The following SOBP variants were observed in gnomAD, a reference collection of about 807,000 sequenced individuals.
SOBP encodes the protein sine oculis binding protein homolog, also known as sine oculis-binding protein homolog.
Under a neutral mutation model 53.6 loss-of-function variants are expected in SOBP, and 4 were observed. The ratio of observed to expected loss-of-function variants is 0.07; its 90% CI spans 0.04 to 0.17. SOBP has a LOEUF of 0.17. Ranked by LOEUF, SOBP falls within the 10% of genes least tolerant of loss-of-function variation. SOBP has a pLI of 1.00. For synonymous variants in SOBP, 584 were observed against 522.6 expected, an observed-to-expected ratio of 1.12 and a Z score of -1.60; for missense variants, 1,088 against 1,204.7, an observed-to-expected ratio of 0.90 and a Z score of 1.43.
intron 6 of SOBP, among the ~76,000 whole-genome samples, chr6:107,637,481 C>T (rs1029942231): frequency 1.3e-5 from 2 of 152,242 alleles, no homozygotes; most frequent in African/African-American, 4.8e-5. Flanking sequence ...TGCCTGAAGA[C>T]AGATGGCCTC....
chr6:107,585,572 A>G (rs1468441490), intron 4 of SOBP, among the ~76,000 whole-genome samples: 3 of 152,198 alleles, frequency 2.0e-5, no homozygotes, highest in African/African-American at 7.2e-5. Context: ...CTATAACTGC[A>G]TTTTTATTTT....
In SOBP at chr6:107,619,941, G is replaced by A. The variant is rs566743647; in HGVS notation, c.670-13573G>A. ...GATTTTCCTCATTTTTTTTAGCAGA[G>A]GGTAATACCTGGAAGGTTATGGTAA... On this transcript the variant is annotated intron_variant, in intron 5 of 6. Coordinates refer to ENST00000317357, the MANE Select transcript of SOBP (RefSeq NM_018013.4). Among the ~76,000 whole-genome samples the A allele has an allele frequency of 3.1e-3, 467 of 152,206 alleles. 4 individuals are homozygous for A. Among genetic ancestry groups the A allele is most frequent in the Non-Finnish European group, 3.1e-3 (214 of 67,994 alleles).
intron 5 of SOBP, among the ~76,000 whole-genome samples, chr6:107,601,941 T>TA (rs1786192211): frequency 6.6e-6 from 1 of 152,246 alleles, no homozygotes; most frequent in Admixed American, 6.5e-5. Context: ...TCTTTTCAAT[T>TA]AATCAATTAT....
At chr6:107,601,008 A>T (rs145747984) in intron 5 of SOBP, among the ~76,000 whole-genome samples, 1 of 152,246 alleles carries the variant, frequency 6.6e-6, no homozygotes, top group East Asian at 1.9e-4. Context: ...AAAGCCTTTG[A>T]ATAGACACTC....
chr6:107,634,197 G>T lies in SOBP; in HGVS notation c.1353G>T (p.Met451Ile). 1.2e-6 allele frequency: 2 copies of T among 1,604,994 alleles called. No homozygotes were observed. The highest frequency in any genetic ancestry group is 1.7e-6 in the Non-Finnish European group (2 of 1,178,030). Residue 451 changes from methionine to isoleucine, a missense_variant, in exon 6 of 7, where the codon ATG (methionine) becomes ATT (isoleucine). This residue lies in a region of SOBP where 665 missense variants were observed against 629.7 expected (regional missense o/e 1.06). Transcript: ENST00000317357. The surrounding 1 kb of genome is among the most constrained non-coding windows in gnomAD (Gnocchi z 4.5). ...PRNLGPTSSP[M>I]HRPMLSPHIH... ...ACCTGGGCCCCACTTCCAGCCCCAT[G>T]CACCGGCCCATGCTATCGCCCCACA... is the stretch of plus-strand genomic sequence containing the variant.
chr6:107,625,261 T>C (rs1386657723), intron 5 of SOBP, among the ~76,000 whole-genome samples: 2 of 152,126 alleles, frequency 1.3e-5, no homozygotes, highest in Non-Finnish European at 2.9e-5. Context: ...CTGGAGATAT[T>C]TGAGGACTGG....
intron 3 of SOBP, among the ~76,000 whole-genome samples, chr6:107,507,995 G>T (rs1185879150): frequency 6.6e-6 from 1 of 152,086 alleles, no homozygotes; most frequent in Non-Finnish European, 1.5e-5. Context: ...TAAAATGTTG[G>T]AATCATCCTA....
At chr6:107,535,605 A>G (rs949586560) in intron 4 of SOBP, among the ~76,000 whole-genome samples, 2 of 146,400 alleles carry the variant, frequency 1.4e-5, no homozygotes, top group South Asian at 4.3e-4. Context: ...CTGATGTGCT[A>G]TGCCTTCTTG....
chr6:107,523,006 G>A (rs1320022588), intron 3 of SOBP, among the ~76,000 whole-genome samples: 1 of 152,176 alleles, frequency 6.6e-6, no homozygotes, highest in African/African-American at 2.4e-5. Flanking sequence ...CAGTGAAGGG[G>A]ACTGGAAATG....
In SOBP at chr6:107,635,071, G is replaced by A; in HGVS notation, c.2227G>A (p.Glu743Lys). ...CGCTAAGAGCGCGGAGCCGCCTCCC[G>A]AGCAGCCGCCGCCGCCGCCGCCGCC... ...EGAKSAEPPPEQPPPPPPPAP... is the reference protein window; with the variant it reads ...EGAKSAEPPPKQPPPPPPPAP... The change falls in exon 6 of 7, where the codon GAG (glutamate) becomes AAG (lysine). Residue 743 changes from glutamate (E) to lysine (K), a missense_variant. By Grantham distance (56) the Glu-to-Lys change is moderately conservative. Around this residue, in one of 6 missense-constraint regions of SOBP, gnomAD observed 665 missense variants for 629.7 expected, o/e 1.06. Coordinates refer to ENST00000317357, the MANE Select transcript of SOBP (RefSeq NM_018013.4). This position sits in a 1 kb window ranked among gnomAD's most constrained non-coding sequence, Gnocchi z 4.5. 6.4e-7 allele frequency: 1 copy of A among 1,559,658 alleles called. No individual in the cohort carries two copies. The highest frequency in any genetic ancestry group is 1.2e-5 in the South Asian group (1 of 85,808).
At chr6:107,576,773 G>A (rs1282147870) in intron 4 of SOBP, among the ~76,000 whole-genome samples, 1 of 152,218 alleles carries the variant, frequency 6.6e-6, no homozygotes, top group East Asian at 1.9e-4. Context: ...CTGAGGCTTA[G>A]CATATGGACG....
At chr6:107,576,214 G>A (rs1052102661) in intron 4 of SOBP, among the ~76,000 whole-genome samples, 7 of 152,272 alleles carry the variant, frequency 4.6e-5, no homozygotes, top group Middle Eastern at 3.4e-3. Flanking sequence ...GGGATGTGTC[G>A]CCTCATCTTC....
chr6:107,538,833 A>G (rs1257942293), intron 4 of SOBP, among the ~76,000 whole-genome samples: 1 of 152,220 alleles, frequency 6.6e-6, no homozygotes, highest in Non-Finnish European at 1.5e-5. Flanking sequence ...GCTGCTGCAA[A>G]TGAGAGGCTG....
At chr6:107,506,528 C>G (rs1782998443) in intron 3 of SOBP, 101 bp downstream of exon 3, 1 of 1,312,224 alleles carries the variant, frequency 7.6e-7, no homozygotes, top group African/African-American at 1.4e-5. Flanking sequence ...TTGGTAGAGG[C>G]TGTTTTAGGG....
chr6:107,643,690 A>G (rs1278145914), intron 6 of SOBP, among the ~76,000 whole-genome samples: 1 of 152,032 alleles, frequency 6.6e-6, no homozygotes, highest in Non-Finnish European at 1.5e-5. Flanking sequence ...AAGTGCTGGG[A>G]TTACAGGTAT....
At chr6:107,516,259 C>T (rs1459446622) in intron 3 of SOBP, among the ~76,000 whole-genome samples, 1 of 152,004 alleles carries the variant, frequency 6.6e-6, no homozygotes, top group Non-Finnish European at 1.5e-5. Context: ...GACAGGAGTT[C>T]GAGACCAGCC....
chr6:107,535,689 C>CT (rs145385523), intron 4 of SOBP, among the ~76,000 whole-genome samples: 1,537 of 142,588 alleles, frequency 0.011, 26 homozygotes, highest in African/African-American at 0.036. Flanking sequence ...TTGTTGGCTT[C>CT]TTTTTTTTTA....
Position 107,634,776 on chromosome 6 carries a change from C to G in SOBP, c.1932C>G (p.Gly644=). Residue 644 remains glycine, a synonymous_variant, in exon 6 of 7, where the codon GGC becomes GGG. Transcript: ENST00000317357. This position sits in a 1 kb window ranked among gnomAD's most constrained non-coding sequence, Gnocchi z 4.5. ...CGGGCGGCCAGCTCGGCTTCCCAGG[C>G]GTGCTGCAGGGCCCGCAGGACGGCG... ...PGAGGQLGFP[G]VLQGPQDGVI... The G allele has an allele frequency of 7.3e-7, 1 of 1,374,960 alleles. No homozygotes were observed. Among genetic ancestry groups the G allele is most frequent in the Non-Finnish European group, 9.4e-7 (1 of 1,064,080 alleles). 85.2% of individuals were successfully genotyped at this position (1,374,960 alleles called of 1,614,324 possible).
At position 107,533,414 on chromosome 6, in the gene SOBP, A is replaced by T. The variant is rs548693490; in HGVS notation, c.422-45A>T. On this transcript the variant is annotated intron_variant, in intron 3 of 6. Transcript: ENST00000317357. ...TCAGGGTGTGTCTAAATTTGAAGGG[A>T]TGTTTGCTTCTGATATGAACATTTT... 6.1e-4 allele frequency: 988 copies of T among 1,606,984 alleles called. 17 individuals carry two copies. The South Asian group carries it at 0.01, about 16-fold the overall frequency.
Sources: allele counts gnomAD v4.1 joint callset (sites outside exome capture counted in the v4.1 genomes callset), GRCh38; gene constraint gnomAD v4.1.1; regional missense constraint gnomAD v4.1.1; non-coding constraint Gnocchi (gnomAD v3.1); transcripts MANE v1.5; gene names NCBI Gene and HGNC (gene_info 2026-07-23, HGNC 2026-07-21).